The following CSMD1 variants were observed in gnomAD, a reference collection of about 807,000 sequenced individuals.
CSMD1 encodes CUB and sushi domain-containing protein 1.
In CSMD1, 213 loss-of-function variants were observed where a neutral mutation model predicts 417.5. The ratio of observed to expected loss-of-function variants is 0.51; its 90% CI spans 0.46 to 0.57. The LOEUF (loss-of-function observed/expected upper bound fraction) is 0.57, where lower values mean the gene tolerates loss of function less well. CSMD1 is among the 20% of genes least tolerant of loss of function. The pLI is 0.00. For missense variants in CSMD1, 6,923 were observed against 4,529.7 expected (o/e 1.53, Z -15.17); for synonymous variants, 2,862 against 1,736.8 (o/e 1.65, Z -16.11).
At chr8:3,119,117 T>C (rs1817038862) in intron 41 of CSMD1, among the ~76,000 whole-genome samples, 2 of 151,874 alleles carry the variant, frequency 1.3e-5, no homozygotes, top group South Asian at 4.2e-4. Flanking sequence ...GAGGTGAAGT[T>C]TGCAGTGAGC....
chr8:3,552,000 G>C (rs1015411369), intron 10 of CSMD1, among the ~76,000 whole-genome samples: 9 of 152,314 alleles, frequency 5.9e-5, no homozygotes, highest in Admixed American at 3.3e-4. Context: ...GGCAGAAACA[G>C]GAACTCGAGA....
At position 4,766,054 on chromosome 8, in the gene CSMD1, G is replaced by A. The variant is rs1019960021; in HGVS notation, c.86-128496C>T. Among the ~76,000 whole-genome samples, 25 of 152,114 alleles carry A rather than the reference G, an allele frequency of 1.6e-4. 1 individual carries two copies. The highest frequency in any genetic ancestry group is 1.1e-3 in the Admixed American group (17 of 15,266). On this transcript the variant is annotated intron_variant, in intron 1 of 69. Transcript: ENST00000635120. The stretch of plus-strand genomic sequence containing the variant: ...TTACATAAATGTTTGGAAACTATGT[G>A]GAAATCTAGCTAGAAGAAAGACATT...
At chr8:3,550,982 C>G (rs113235347) in intron 10 of CSMD1, among the ~76,000 whole-genome samples, 7,597 of 152,206 alleles carry the variant, frequency 0.05, 366 homozygotes, top group African/African-American at 0.12. Flanking sequence ...AGTGAACAGT[C>G]AGACCCCTTT....
intron 1 of CSMD1, among the ~76,000 whole-genome samples, chr8:4,862,077 G>C (rs1255130894): frequency 6.6e-6 from 1 of 152,092 alleles, no homozygotes; most frequent in Non-Finnish European, 1.5e-5. Flanking sequence ...TACTGGGAAT[G>C]GCGTCTTCTG....
chr8:4,196,733 G>C (rs192844431), intron 3 of CSMD1, among the ~76,000 whole-genome samples: 2 of 152,200 alleles, frequency 1.3e-5, no homozygotes, highest in South Asian at 2.1e-4. Flanking sequence ...AATTAGGATG[G>C]TCTCTATCTC....
At chr8:3,706,964 G>C (rs1040114545) in intron 7 of CSMD1, among the ~76,000 whole-genome samples, 8 of 151,966 alleles carry the variant, frequency 5.3e-5, no homozygotes, top group African/African-American at 9.7e-5. Context: ...TTATTCAATA[G>C]AAAGTGCCAT....
chr8:3,678,529 G>T lies in CSMD1; in HGVS notation c.1009+29885C>A, dbSNP rs538655035. Among the ~76,000 whole-genome samples, 9 of 152,218 alleles carry T rather than the reference G, an allele frequency of 5.9e-5. 1 individual carries two copies. Among genetic ancestry groups the T allele is most frequent in the Admixed American group, 3.3e-4 (5 of 15,288 alleles). ...ATGAACAAAGCCTCCAAGAAATATG[G>T]GACTATGTGAAAAGACCAAATCTAT... On this transcript the variant is annotated intron_variant, in intron 7 of 69. Coordinates refer to ENST00000635120, the MANE Select transcript of CSMD1 (RefSeq NM_033225.6).
chr8:4,483,634 C>G (rs1303254310), intron 2 of CSMD1, among the ~76,000 whole-genome samples: 2 of 152,110 alleles, frequency 1.3e-5, no homozygotes, highest in African/African-American at 4.8e-5. Context: ...TTTAAAACAG[C>G]AAAATGTGAT....
At chr8:3,081,899 G>A (rs1814129925) in intron 49 of CSMD1, among the ~76,000 whole-genome samples, 1 of 151,984 alleles carries the variant, frequency 6.6e-6, no homozygotes, top group African/African-American at 2.4e-5. Flanking sequence ...TCACTACTGG[G>A]GACAGCTTGC....
At chr8:3,383,426 C>G (rs1266300648) in intron 18 of CSMD1, among the ~76,000 whole-genome samples, 1 of 151,402 alleles carries the variant, frequency 6.6e-6, no homozygotes, top group Non-Finnish European at 1.5e-5. Context: ...AGAAAAACCT[C>G]ATGCATGGAG....
chr8:3,354,875 A>G (rs200480340), intron 21 of CSMD1, among the ~76,000 whole-genome samples: 2 of 71,544 alleles, frequency 2.8e-5, no homozygotes, highest in East Asian at 5.2e-4. Flanking sequence ...AGATATACAT[A>G]TATCTATAGA....
intron 1 of CSMD1, among the ~76,000 whole-genome samples, chr8:4,695,828 A>AAT (rs1452510082): frequency 6.6e-6 from 1 of 152,224 alleles, no homozygotes; most frequent in Non-Finnish European, 1.5e-5. Context: ...TTTAATTTTA[A>AAT]AATAATAAAC....
intron 3 of CSMD1, among the ~76,000 whole-genome samples, chr8:4,117,499 A>G (rs1415884832): frequency 6.6e-6 from 1 of 152,114 alleles, no homozygotes; most frequent in Non-Finnish European, 1.5e-5. Context: ...GCTATAAATC[A>G]TCTCCCTCCG....
At chr8:4,957,835 C>A (rs1809222234) in intron 1 of CSMD1, among the ~76,000 whole-genome samples, 1 of 152,110 alleles carries the variant, frequency 6.6e-6, no homozygotes, top group African/African-American at 2.4e-5. Context: ...TACAATTGGA[C>A]AATACTCAGC....
intron 3 of CSMD1, among the ~76,000 whole-genome samples, chr8:4,053,680 G>T (rs137988924): frequency 2.6e-5 from 4 of 152,128 alleles, no homozygotes; most frequent in African/African-American, 9.6e-5. Context: ...AAAATAGCAG[G>T]TTAAAATCAA....
intron 5 of CSMD1, among the ~76,000 whole-genome samples, chr8:3,769,867 T>C (rs540125391): frequency 6.6e-6 from 1 of 152,318 alleles, no homozygotes; most frequent in African/African-American, 2.4e-5. Flanking sequence ...AAGAAAAACG[T>C]ATGTGTCAGA....
At chr8:3,826,199 A>C (rs1802044726) in intron 5 of CSMD1, among the ~76,000 whole-genome samples, 1 of 152,150 alleles carries the variant, frequency 6.6e-6, no homozygotes, top group African/African-American at 2.4e-5. Context: ...GGAGGCCTTC[A>C]CGGTGGAGCT....
At chr8:4,742,248 T>G (rs938967409) in intron 1 of CSMD1, among the ~76,000 whole-genome samples, 3 of 151,284 alleles carry the variant, frequency 2.0e-5, no homozygotes, top group Non-Finnish European at 4.4e-5. Flanking sequence ...GCCAGGATGG[T>G]CTCGATCTCC....
chr8:4,260,150 T>TAA (rs780092086), intron 3 of CSMD1, among the ~76,000 whole-genome samples: 17 of 152,210 alleles, frequency 1.1e-4, no homozygotes, highest in Non-Finnish European at 2.2e-4. Flanking sequence ...CTACAGTGGC[T>TAA]AAGTCCCATC....
Sources: allele counts gnomAD v4.1 joint callset (sites outside exome capture counted in the v4.1 genomes callset), GRCh38; gene constraint gnomAD v4.1.1; transcripts MANE v1.5; gene names NCBI Gene and HGNC (gene_info 2026-07-23, HGNC 2026-07-21).